Variants in LCLAT1 observed in about 807,000 individuals in gnomAD.
The protein encoded by LCLAT1 is lysocardiolipin acyltransferase 1.
In LCLAT1, 11 loss-of-function variants were observed where a neutral mutation model predicts 30.7. That is an observed-to-expected ratio of 0.36 (90% confidence interval 0.23 to 0.59). The LOEUF (loss-of-function observed/expected upper bound fraction) is 0.59. Among genes scored for constraint, LCLAT1 ranks in the 20% least tolerant of loss-of-function variants. The pLI is 0.77. For synonymous variants in LCLAT1, 155 were observed against 151.3 expected (o/e 1.02, Z -0.18); for missense variants, 402 against 458.6 (o/e 0.88, Z 1.13).
In LCLAT1 at chr2:30,492,168, A is replaced by C. The variant is rs192888629; in HGVS notation, c.-4-33419A>C. ...AGAATGGACGTAACAGGTCTCTGAC[A>C]TGTAGAAATAAGACATACATGAAAA... On this transcript the variant is annotated intron_variant, in intron 1 of 5. Coordinates refer to ENST00000379509, the MANE Select transcript of LCLAT1 (RefSeq NM_001002257.3). Among the ~76,000 whole-genome samples the C allele has an allele frequency of 3.9e-5, 6 of 152,358 alleles. No homozygotes were observed. In the South Asian group the frequency reaches 1.2e-3, roughly 32 times the overall value.
At chr2:30,612,036 C>G (rs903180470) in intron 5 of LCLAT1, among the ~76,000 whole-genome samples, 12 of 152,056 alleles carry the variant, frequency 7.9e-5, no homozygotes, top group African/African-American at 2.9e-4. Context: ...ATGAAGCTTT[C>G]TTTTCTGTGA....
chr2:30,600,471 C>G (rs931444612), intron 5 of LCLAT1, among the ~76,000 whole-genome samples: 2 of 152,040 alleles, frequency 1.3e-5, no homozygotes, highest in Non-Finnish European at 1.5e-5. Context: ...GAACCAAGAG[C>G]AAACAAACTC....
At chr2:30,611,083 C>CT (rs369145708) in intron 5 of LCLAT1, among the ~76,000 whole-genome samples, 1,895 of 138,850 alleles carry the variant, frequency 0.014, 19 homozygotes, top group Admixed American at 0.02. Context: ...CTACTTTTAG[C>CT]TTTTTTTTTT....
chr2:30,580,070 A>G (rs1666146545), intron 5 of LCLAT1, among the ~76,000 whole-genome samples: 1 of 152,174 alleles, frequency 6.6e-6, no homozygotes, highest in Admixed American at 6.5e-5. Context: ...AGGTATTTAC[A>G]GACTATATGA....
At chr2:30,581,293 C>T (rs1340973197) in intron 5 of LCLAT1, among the ~76,000 whole-genome samples, 3 of 152,142 alleles carry the variant, frequency 2.0e-5, no homozygotes, top group Non-Finnish European at 2.9e-5. Flanking sequence ...ATTAGATACC[C>T]CTGTTCCTTT....
intron 1 of LCLAT1, among the ~76,000 whole-genome samples, chr2:30,453,964 A>T (rs1681693722): frequency 6.6e-6 from 1 of 152,222 alleles, no homozygotes; most frequent in African/African-American, 2.4e-5. Flanking sequence ...GGTACGGGGC[A>T]TGGATTTGAA....
At chr2:30,585,462 A>G (rs1259855372) in intron 5 of LCLAT1, among the ~76,000 whole-genome samples, 4 of 152,102 alleles carry the variant, frequency 2.6e-5, no homozygotes, top group Admixed American at 6.5e-5. Flanking sequence ...TTCTTAGGTA[A>G]GTTCACCGTC....
chr2:30,582,862 A>G (rs1666262864), intron 5 of LCLAT1, among the ~76,000 whole-genome samples: 1 of 152,232 alleles, frequency 6.6e-6, no homozygotes, highest in African/African-American at 2.4e-5. Flanking sequence ...TATGCCTGAG[A>G]ATTCTCACCT....
chr2:30,601,310 A>ATAGTT (rs1667171274), intron 5 of LCLAT1, among the ~76,000 whole-genome samples: 2 of 152,196 alleles, frequency 1.3e-5, no homozygotes, highest in Middle Eastern at 3.2e-3. Context: ...AATAATCTGT[A>ATAGTT]TAGTTTTGCA....
intron 2 of LCLAT1, among the ~76,000 whole-genome samples, chr2:30,532,266 A>G (rs948561691): frequency 6.6e-6 from 1 of 152,162 alleles, no homozygotes; most frequent in African/African-American, 2.4e-5. Context: ...TCTATTGGCT[A>G]TACCTTGTTC....
At chr2:30,550,001 T>G (rs1410874721) in intron 3 of LCLAT1, among the ~76,000 whole-genome samples, 1 of 152,196 alleles carries the variant, frequency 6.6e-6, no homozygotes, top group Non-Finnish European at 1.5e-5. Context: ...TCTTTAGAAA[T>G]GCTGTTACTG....
At chr2:30,528,743 T>G (rs1280860454) in intron 2 of LCLAT1, among the ~76,000 whole-genome samples, 1 of 152,224 alleles carries the variant, frequency 6.6e-6, no homozygotes, top group African/African-American at 2.4e-5. Flanking sequence ...GGGTAAGATT[T>G]AACTACCACA....
chr2:30,523,360 T>G (rs1217575264), intron 1 of LCLAT1, among the ~76,000 whole-genome samples: 1 of 150,744 alleles, frequency 6.6e-6, no homozygotes, highest in African/African-American at 2.4e-5. Context: ...TGAGGATAGG[T>G]GGTAACACAG....
chr2:30,469,970 A>G (rs1482317173), intron 1 of LCLAT1, among the ~76,000 whole-genome samples: 1 of 152,078 alleles, frequency 6.6e-6, no homozygotes, highest in Non-Finnish European at 1.5e-5. Context: ...GCCTCAAGTG[A>G]TCCACCCGCC....
chr2:30,452,754 T>A (rs989094082), intron 1 of LCLAT1, among the ~76,000 whole-genome samples: 1 of 152,148 alleles, frequency 6.6e-6, no homozygotes, highest in Non-Finnish European at 1.5e-5. Flanking sequence ...TGTAATTCCT[T>A]TGGCTGCAGG....
At chr2:30,544,287 G>A (rs886880386) in intron 3 of LCLAT1, among the ~76,000 whole-genome samples, 13 of 152,168 alleles carry the variant, frequency 8.5e-5, no homozygotes, top group Non-Finnish European at 1.2e-4. Flanking sequence ...TGATTTGACC[G>A]ATAGGGTCTT....
chr2:30,459,860 T>G, intron 1 of LCLAT1: 1 of 556,728 alleles, frequency 1.8e-6, no homozygotes, highest in East Asian at 3.1e-5. Flanking sequence ...TTCTATAACC[T>G]TTTCATTGAA....
chr2:30,640,057 C>G (rs769456380), intron 5 of LCLAT1, 60 bp from the exon 6 acceptor site: 14 of 1,375,578 alleles, frequency 1.0e-5, no homozygotes, highest in Non-Finnish European at 1.3e-5. Context: ...CAGTGTGAAT[C>G]AGCATTATCA....
intron 5 of LCLAT1, among the ~76,000 whole-genome samples, chr2:30,610,071 T>C (rs1466529314): frequency 2.6e-5 from 4 of 152,160 alleles, no homozygotes; most frequent in Non-Finnish European, 4.4e-5. Context: ...CATGTACAAA[T>C]TGAACATAGC....
Sources: allele counts gnomAD v4.1 joint callset (sites outside exome capture counted in the v4.1 genomes callset), GRCh38; gene constraint gnomAD v4.1.1; transcripts MANE v1.5; gene names NCBI Gene and HGNC (gene_info 2026-07-23, HGNC 2026-07-21).